DOCK8: variants seen among roughly 807,000 people sequenced by gnomAD.
The protein encoded by DOCK8 is dedicator of cytokinesis protein 8.
Under a neutral mutation model 245.6 loss-of-function variants are expected in DOCK8, and 141 were observed. That is an observed-to-expected ratio of 0.57 (90% CI 0.50 to 0.66). The LOEUF is 0.66. Among genes scored for constraint, DOCK8 ranks in the 30% least tolerant of loss-of-function variants. The pLI, the probability that DOCK8 is intolerant of heterozygous loss-of-function variation, is 0.00. For synonymous variants in DOCK8, 1,168 were observed against 970.2 expected, an observed-to-expected ratio of 1.20 and a Z score of -3.79; for missense variants, 2,965 against 2,603.4, an observed-to-expected ratio of 1.14 and a Z score of -3.02.
intron 27 of DOCK8, 70 bp downstream of exon 27, chr9:405,143 G>C: frequency 6.9e-7 from 1 of 1,449,694 alleles, no homozygotes; most frequent in Non-Finnish European, 9.5e-7. Flanking sequence ...GTTTAATCAT[G>C]TATTTCCTAT....
At chr9:328,941 CTTTTTTTTTTTT>C (rs1165346763) in intron 9 of DOCK8, among the ~76,000 whole-genome samples, 4 of 71,348 alleles carry the variant, frequency 5.6e-5, no homozygotes, top group Admixed American at 1.8e-4. Flanking sequence ...CTTATTGATT[CTTTTTTTTTTTT>C]TTTTTTTTTT....
intron 1 of DOCK8, among the ~76,000 whole-genome samples, chr9:267,298 C>T (rs1391325601): frequency 6.6e-6 from 1 of 152,180 alleles, no homozygotes; most frequent in African/African-American, 2.4e-5. Flanking sequence ...CTCAACCTCC[C>T]AGGCTCAAGC....
intron 4 of DOCK8, among the ~76,000 whole-genome samples, chr9:295,713 T>C (rs149400326): frequency 4.7e-4 from 72 of 152,326 alleles, no homozygotes; most frequent in Non-Finnish European, 9.4e-4. Flanking sequence ...CCTGCTGATA[T>C]TACATTTCTC....
chr9:341,866 C>T (rs2051612236), intron 14 of DOCK8, among the ~76,000 whole-genome samples: 1 of 152,146 alleles, frequency 6.6e-6, no homozygotes, highest in Non-Finnish European at 1.5e-5. Context: ...GTCAGATCAG[C>T]AGTGACATTA....
At chr9:342,249 T>A (rs1318066275) in intron 14 of DOCK8, among the ~76,000 whole-genome samples, 1 of 151,890 alleles carries the variant, frequency 6.6e-6, no homozygotes, top group Non-Finnish European at 1.5e-5. Flanking sequence ...AGGTGTTATA[T>A]TACACTTTGT....
chr9:312,143 G>C lies in DOCK8; in HGVS notation c.718G>C (p.Ala240Pro), dbSNP rs765205994. The C allele has an allele frequency of 1.2e-6, 2 of 1,614,188 alleles. 1 individual carries two copies. Among genetic ancestry groups the C allele is most frequent in the South Asian group, 2.2e-5 (2 of 91,080 alleles). Residue 240 changes from alanine to proline, a missense_variant, in exon 6 of 48, where the codon GCC (alanine) becomes CCC (proline). By Grantham distance (27) the Ala-to-Pro change is conservative. Around this residue, in one of 3 missense-constraint regions of DOCK8, gnomAD observed 2,825 missense variants for 2,453.5 expected, o/e 1.15. Transcript: ENST00000432829. ...GACCAATAGGCAGGCCGAGCTCTTT[G>C]CCCTTTACCCATCAGTGGACGAGGT... ...RRTNRQAELF[A>P]LYPSVDEEDA...
chr9:390,019 CA>C (rs76435713), intron 23 of DOCK8, among the ~76,000 whole-genome samples: 297 of 137,464 alleles, frequency 2.2e-3, no homozygotes, highest in South Asian at 3.3e-3. Flanking sequence ...AGCCCTATCT[CA>C]AAAAAAAAAA....
Position 396,936 on chromosome 9 carries a change from TA to T in DOCK8, c.3120+4del, listed in dbSNP as rs2054489895. ...GCCCTTTTAGTAAAACCACAGAAGG[TA>T]ACTGTATTTTACTCTTTATTTTCTA... On this transcript the variant is annotated splice_donor_region_variant and intron_variant, in intron 25 of 47. Transcript: ENST00000432829. 2.5e-6 allele frequency: 4 copies of T among 1,613,662 alleles called. No individual in the cohort carries two copies. The African/African-American group carries it at 5.3e-5, about 22-fold the overall frequency.
intron 1 of DOCK8, among the ~76,000 whole-genome samples, chr9:251,773 A>C (rs1010318021): frequency 1.3e-5 from 2 of 152,078 alleles, no homozygotes; most frequent in African/African-American, 4.8e-5. Flanking sequence ...GACAGAAAGC[A>C]CTCATTAAGT....
chr9:343,350 C>T (rs1372768256), intron 14 of DOCK8, among the ~76,000 whole-genome samples: 1 of 151,838 alleles, frequency 6.6e-6, no homozygotes. Context: ...TAAAAATTGC[C>T]CAGGTGTGGT....
chr9:464,497 G>A lies in DOCK8; in HGVS notation c.*278G>A. 1.9e-6 allele frequency: 1 copy of A among 515,794 alleles called. No individual in the cohort carries two copies. The highest frequency in any genetic ancestry group is 2.1e-5 in the South Asian group (1 of 46,946). The allele number at this position is 515,794 out of a possible 1,614,324, so 32.0% of individuals were successfully genotyped here. A position where few individuals can be genotyped will look rare whatever the true frequency, so the allele number is the denominator to read the frequency against. ...GTTTTTCCACAATGTACCAAACAAG[G>A]CATAAGCAGCTTCTCCTGCTGACTG... On this transcript the variant is annotated 3_prime_UTR_variant, in exon 48 of 48. Transcript: ENST00000432829.
intron 4 of DOCK8, among the ~76,000 whole-genome samples, chr9:300,893 CA>C (rs1170375929): frequency 1.3e-5 from 2 of 152,120 alleles, no homozygotes; most frequent in African/African-American, 4.8e-5. Context: ...GATGGATTCA[CA>C]GCCAAATTAT....
Position 417,155 on chromosome 9 carries a change from C to T in DOCK8, c.3701-913C>T, listed in dbSNP as rs535500402. ...ACTAAAAATACAAAAGTTAGCCAGG[C>T]GTGGTGGCGCACCTGTAATCCCAGC... On this transcript the variant is annotated intron_variant, in intron 29 of 47. Coordinates refer to ENST00000432829, the MANE Select transcript of DOCK8 (RefSeq NM_203447.4). Among the ~76,000 whole-genome samples, 65 of 152,088 alleles carry T rather than the reference C, an allele frequency of 4.3e-4. 1 individual carries two copies. The East Asian group carries it at 8.7e-3, about 20-fold the overall frequency.
chr9:361,260 A>G (rs1403544878), intron 14 of DOCK8, among the ~76,000 whole-genome samples: 1 of 152,202 alleles, frequency 6.6e-6, no homozygotes, highest in Non-Finnish European at 1.5e-5. Flanking sequence ...AGAGAGACTT[A>G]CACAAATTAA....
chr9:359,928 T>C lies in DOCK8; in HGVS notation c.1680-8090T>C, dbSNP rs750362771. Among the ~76,000 whole-genome samples, 3 of 152,204 alleles carry C rather than the reference T, an allele frequency of 2.0e-5. No homozygotes were observed. In the East Asian group the frequency reaches 5.8e-4, roughly 29 times the overall value. ...GCTTATTTAGAAAAACAGAGCTTTTTATGTATAAACCTGTTTCATTGGTGT... is the reference window on the plus strand; with the variant it reads ...GCTTATTTAGAAAAACAGAGCTTTTCATGTATAAACCTGTTTCATTGGTGT... On this transcript the variant is annotated intron_variant, in intron 14 of 47. Coordinates refer to ENST00000432829, the MANE Select transcript of DOCK8 (RefSeq NM_203447.4).
rs371191172 is a variant in DOCK8, at chr9:246,358, AAAAATT to A, written c.54-25252_54-25247del. On this transcript the variant is annotated intron_variant, in intron 1 of 47. Transcript: ENST00000432829. ...ACATAGCGTGACCCCATCTCTACAA[AAAAATT>A]AAAATTAAAATTAAAAACAGCCAGA... Among the ~76,000 whole-genome samples, 942 of 152,220 alleles carry A rather than the reference AAAAATT, an allele frequency of 6.2e-3. 8 individuals carry two copies. The highest frequency in any genetic ancestry group is 0.02 in the African/African-American group (810 of 41,514).
At chr9:304,101 A>C (rs1488413714) in intron 4 of DOCK8, among the ~76,000 whole-genome samples, 2 of 152,230 alleles carry the variant, frequency 1.3e-5, no homozygotes, top group Non-Finnish European at 2.9e-5. Context: ...GGATGTTTGC[A>C]AAGTTAAATC....
chr9:464,890 G>A lies in DOCK8; in HGVS notation c.*671G>A, dbSNP rs1435459108. On this transcript the variant is annotated 3_prime_UTR_variant, in exon 48 of 48. Coordinates refer to ENST00000432829, the MANE Select transcript of DOCK8 (RefSeq NM_203447.4). ...GAATACATTCAAAGCACTGATGTAG[G>A]AGATACACGGTACTTGGAGCAGTCA... The A allele has an allele frequency of 6.5e-6, 1 of 154,616 alleles. No individual in the cohort carries two copies. Among genetic ancestry groups the A allele is most frequent in the Non-Finnish European group, 1.4e-5 (1 of 69,572 alleles). The allele number at this position is 154,616 out of a possible 1,614,324, so 9.6% of individuals were successfully genotyped here.
chr9:275,132 T>C (rs926235710), intron 2 of DOCK8, among the ~76,000 whole-genome samples: 5 of 152,350 alleles, frequency 3.3e-5, no homozygotes, highest in Admixed American at 1.3e-4. Context: ...ATTTGTAAAA[T>C]TGGCATAATA....
Sources: allele counts gnomAD v4.1 joint callset (sites outside exome capture counted in the v4.1 genomes callset), GRCh38; gene constraint gnomAD v4.1.1; regional missense constraint gnomAD v4.1.1; transcripts MANE v1.5; gene names NCBI Gene and HGNC (gene_info 2026-07-23, HGNC 2026-07-21).